Variants in IL1RL2 observed in about 807,000 individuals in gnomAD.
IL1RL2 encodes the protein interleukin-1 receptor-like 2.
In IL1RL2, 68 loss-of-function variants were observed where a neutral mutation model predicts 66.8. That is an observed-to-expected ratio of 1.02 (90% confidence interval 0.84 to 1.25). The LOEUF is 1.25. Ranked by LOEUF, IL1RL2 falls within the 50% of genes most tolerant of loss-of-function variation. The pLI is 0.00. For synonymous variants in IL1RL2, 305 were observed against 264.6 expected (o/e 1.15, Z -1.48); for missense variants, 729 against 709.3 (o/e 1.03, Z -0.32).
chr2:102,187,867 G>A lies in IL1RL2; in HGVS notation c.-1G>A. ...TCCCTTCCTTGCAGCCCGGTTTGGG[G>A]ATGTGGTCCTTGCTGCTCTGCGGGT... On this transcript the variant is annotated 5_prime_UTR_variant, in exon 2 of 12. Transcript: ENST00000264257. 1 of 1,614,170 alleles carries A rather than the reference G, an allele frequency of 6.2e-7. No homozygotes were observed. Among genetic ancestry groups the A allele is most frequent in the Non-Finnish European group, 8.5e-7 (1 of 1,180,010 alleles).
At chr2:102,233,787 C>CA (rs1409204300) in intron 10 of IL1RL2, among the ~76,000 whole-genome samples, 1 of 152,158 alleles carries the variant, frequency 6.6e-6, no homozygotes, top group Non-Finnish European at 1.5e-5. Flanking sequence ...GACACTCACA[C>CA]AACAGTGCTT....
At chr2:102,225,870 A>C in intron 8 of IL1RL2, 28 bp from the exon 9 acceptor site, 2 of 1,457,680 alleles carry the variant, frequency 1.4e-6, no homozygotes, top group Non-Finnish European at 1.8e-6. Context: ...AATTATAATT[A>C]TTATTATTTT....
chr2:102,227,752 C>A (rs144509346), intron 9 of IL1RL2, among the ~76,000 whole-genome samples: 2 of 152,114 alleles, frequency 1.3e-5, no homozygotes, highest in East Asian at 1.9e-4. Context: ...CAGAAGCCTG[C>A]GTCACTTTAC....
chr2:102,241,052 C>T (rs1235774717), downstream of IL1RL2, among the ~76,000 whole-genome samples: 1 of 152,238 alleles, frequency 6.6e-6, no homozygotes, highest in Non-Finnish European at 1.5e-5. Flanking sequence ...CTCACAGAGC[C>T]CCGTTCAGGC....
chr2:102,225,873 A>T, intron 8 of IL1RL2, 25 bp from the exon 9 acceptor site: 1 of 1,466,966 alleles, frequency 6.8e-7, no homozygotes, highest in Non-Finnish European at 9.1e-7. Context: ...TATAATTATT[A>T]TTATTTTTTT....
chr2:102,191,114 G>T (rs1258065462), intron 3 of IL1RL2, among the ~76,000 whole-genome samples: 13 of 151,850 alleles, frequency 8.6e-5, no homozygotes, highest in Admixed American at 8.5e-4. Flanking sequence ...CAATATATAT[G>T]ATATAAATTA....
chr2:102,188,988 T>C, intron 2 of IL1RL2, 88 bp from the exon 3 acceptor site: 1 of 933,228 alleles, frequency 1.1e-6, no homozygotes, highest in Non-Finnish European at 1.6e-6. Flanking sequence ...GGCTGGAAAA[T>C]TGAAGAGGCA....
At chr2:102,191,584 T>C (rs1300089473) in intron 3 of IL1RL2, among the ~76,000 whole-genome samples, 1 of 152,242 alleles carries the variant, frequency 6.6e-6, no homozygotes. Flanking sequence ...TTGGGGTTTG[T>C]CAGGTATTTC....
Position 102,195,615 on chromosome 2 carries a change from T to C in IL1RL2, c.489+3495T>C, listed in dbSNP as rs910503709. 8.0e-4 allele frequency among the ~76,000 whole-genome samples: 13 copies of C among 16,196 alleles called. 1 individual carries two copies. Among genetic ancestry groups the C allele is most frequent in the Non-Finnish European group, 1.6e-3 (10 of 6,330 alleles). The allele number at this position is 16,196 out of a possible 152,430, so 10.6% of individuals were successfully genotyped here. Reference sequence around the variant, plus strand: ...TTTCTTTCTTTCTTTCTTTCTTTCTTTCTTTCTTTCTTTCTCTCTCTCTCT... The same window carrying C: ...TTTCTTTCTTTCTTTCTTTCTTTCTCTCTTTCTTTCTTTCTCTCTCTCTCT... On this transcript the variant is annotated intron_variant, in intron 4 of 11. Transcript: ENST00000264257.
chr2:102,190,280 A>G (rs556861260), intron 3 of IL1RL2, among the ~76,000 whole-genome samples: 1 of 152,376 alleles, frequency 6.6e-6, no homozygotes, highest in Non-Finnish European at 1.5e-5. Flanking sequence ...GGGCCTGAAT[A>G]AAACACATCT....
intron 5 of IL1RL2, among the ~76,000 whole-genome samples, chr2:102,210,200 C>A (rs557789152): frequency 2.7e-4 from 41 of 151,998 alleles, no homozygotes; most frequent in African/African-American, 9.4e-4. Flanking sequence ...GAGGAAGTAG[C>A]AAATGTGAAG....
At chr2:102,236,730 C>T (rs1244826305) in intron 11 of IL1RL2, among the ~76,000 whole-genome samples, 5 of 152,162 alleles carry the variant, frequency 3.3e-5, no homozygotes, top group Non-Finnish European at 2.9e-5. Context: ...CTATGCCTCC[C>T]TATTGCCTTC....
intron 5 of IL1RL2, among the ~76,000 whole-genome samples, chr2:102,207,454 T>C (rs1688799619): frequency 6.6e-6 from 1 of 151,938 alleles, no homozygotes; most frequent in Non-Finnish European, 1.5e-5. Flanking sequence ...AGTTAGCAGG[T>C]GATGAATGCT....
At chr2:102,202,539 A>G (rs1200753972) in intron 5 of IL1RL2, among the ~76,000 whole-genome samples, 1 of 151,852 alleles carries the variant, frequency 6.6e-6, no homozygotes, top group African/African-American at 2.4e-5. Flanking sequence ...TATAGTTTTC[A>G]TTATAGAGAT....
chr2:102,196,718 G>A (rs1426132659), intron 4 of IL1RL2, among the ~76,000 whole-genome samples: 1 of 152,174 alleles, frequency 6.6e-6, no homozygotes, highest in Non-Finnish European at 1.5e-5. Context: ...TGGTGGGTAC[G>A]GCAAGGAAGG....
chr2:102,200,706 A>T (rs1042348184), intron 4 of IL1RL2, among the ~76,000 whole-genome samples: 2 of 152,086 alleles, frequency 1.3e-5, no homozygotes, highest in East Asian at 1.9e-4. Flanking sequence ...GGCCCAAGGG[A>T]TGGAAGAACT....
intron 6 of IL1RL2, among the ~76,000 whole-genome samples, chr2:102,215,646 A>G (rs762645311): frequency 2.0e-5 from 3 of 152,058 alleles, no homozygotes; most frequent in East Asian, 3.9e-4. Context: ...CTGTGTGTGC[A>G]CACACACCCT....
chr2:102,219,898 G>T lies in IL1RL2; in HGVS notation c.872G>T (p.Arg291Leu). ...TTTTATAGAACCCATGTCTCTTTTC[G>T]GGAACATAATTTGTACACAGTAAAC... is the stretch of plus-strand genomic sequence containing the variant. ...REGVETHVSFREHNLYTVNIT... is the reference protein window; with the variant it reads ...REGVETHVSFLEHNLYTVNIT... The change falls in exon 8 of 12, where the codon CGG becomes CTG. Residue 291 changes from arginine (R) to leucine (L), a missense_variant. Physicochemically the swap from Arg to Leu is moderately radical, Grantham distance 102 (BLOSUM62 -2). Coordinates refer to ENST00000264257, the MANE Select transcript of IL1RL2 (RefSeq NM_003854.4). 6.2e-7 allele frequency: 1 copy of T among 1,610,536 alleles called. No individual in the cohort carries two copies.
At chr2:102,217,548 T>C (rs1253823956) in intron 6 of IL1RL2, among the ~76,000 whole-genome samples, 2 of 152,234 alleles carry the variant, frequency 1.3e-5, no homozygotes, top group East Asian at 3.9e-4. Flanking sequence ...AAAGCTATAG[T>C]AATCAAAACA....
Sources: gnomAD v4.1 joint callset for allele counts (sites outside exome capture counted in the v4.1 genomes callset) on GRCh38, gnomAD v4.1.1 for gene constraint, MANE v1.5 for transcripts, NCBI Gene and HGNC (gene_info 2026-07-23, HGNC 2026-07-21) for gene names.